PPP3CC: variants seen among roughly 807,000 people sequenced by gnomAD.
PPP3CC encodes protein phosphatase 3 catalytic subunit gamma, also known as serine/threonine-protein phosphatase 2B catalytic subunit gamma isoform.
In PPP3CC, 35 loss-of-function variants were observed where a neutral mutation model predicts 60.3. That is an observed-to-expected ratio of 0.58 (90% confidence interval 0.44 to 0.77). The LOEUF is 0.77. PPP3CC is among the 30% of genes least tolerant of loss of function. The pLI is 0.00. For missense variants in PPP3CC, 570 were observed against 628.9 expected, an observed-to-expected ratio of 0.91 and a Z score of 1.00; for synonymous variants, 206 against 224.3, an observed-to-expected ratio of 0.92 and a Z score of 0.73.
intron 11 of PPP3CC, among the ~76,000 whole-genome samples, chr8:22,532,565 A>G (rs187927021): frequency 2.1e-4 from 32 of 152,102 alleles, no homozygotes; most frequent in South Asian, 2.1e-4. Context: ...TTCTGGCTCT[A>G]CCTCTTCTTA....
chr8:22,493,372 A>G (rs1311883724), intron 3 of PPP3CC, among the ~76,000 whole-genome samples: 3 of 149,028 alleles, frequency 2.0e-5, no homozygotes, highest in Admixed American at 1.3e-4. Flanking sequence ...TTTGCCTAGT[A>G]TACCAAAAAA....
intron 4 of PPP3CC, among the ~76,000 whole-genome samples, chr8:22,504,700 TTCCCTCCCTCCCTCCC>T (rs35661790): frequency 2.0e-5 from 3 of 146,970 alleles, no homozygotes; most frequent in East Asian, 2.1e-4. Flanking sequence ...CCCTCCCTCC[TTCCCTCCCTCCCTCCC>T]TCCCTCCCTT....
chr8:22,508,586 G>C (rs1180720032), intron 4 of PPP3CC, among the ~76,000 whole-genome samples: 1 of 152,086 alleles, frequency 6.6e-6, no homozygotes, highest in Non-Finnish European at 1.5e-5. Context: ...AGTAGGCTAA[G>C]GAATTATTTT....
intron 13 of PPP3CC, among the ~76,000 whole-genome samples, chr8:22,540,230 T>A (rs879255738): frequency 2.0e-5 from 3 of 152,228 alleles, no homozygotes; most frequent in Non-Finnish European, 4.4e-5. Context: ...ACCCTGGGTT[T>A]AACTTGTTCA....
chr8:22,461,998 T>TCTAG (rs1320216545), intron 1 of PPP3CC, among the ~76,000 whole-genome samples: 1 of 151,974 alleles, frequency 6.6e-6, no homozygotes, highest in African/African-American at 2.4e-5. Flanking sequence ...GCATTGGGAG[T>TCTAG]CTAGGATGGG....
intron 1 of PPP3CC, among the ~76,000 whole-genome samples, chr8:22,450,666 T>C (rs1836985816): frequency 6.6e-6 from 1 of 152,196 alleles, no homozygotes; most frequent in African/African-American, 2.4e-5. Context: ...GTGCTCAAAA[T>C]CCTTCATGAG....
chr8:22,522,781 T>C (rs778070593), intron 8 of PPP3CC, 32 bp downstream of exon 8: 14 of 1,444,990 alleles, frequency 9.7e-6, no homozygotes, highest in Admixed American at 1.7e-5. Context: ...TGAGTTTGAA[T>C]TTATGAGTAA....
intron 6 of PPP3CC, among the ~76,000 whole-genome samples, chr8:22,516,157 C>A (rs1456673606): frequency 6.6e-6 from 1 of 152,046 alleles, no homozygotes; most frequent in Non-Finnish European, 1.5e-5. Flanking sequence ...CCAGGCTGGT[C>A]TTGAAGTCCT....
rs201721168 is a variant in PPP3CC at position 22,474,958 on chromosome 8, C to T, written c.54C>T (p.Val18=). The change falls in exon 2 of 14, where the codon GTC becomes GTT. Residue 18 remains valine, a synonymous_variant. Transcript: ENST00000240139. ...LSTTDRVIKA[V]PFPPTQRLTF... is the part of the protein sequence containing the mutation. ...ATTATTATTATTTTTTTGTAGCTGT[C>T]CCCTTTCCTCCAACCCAACGGCTTA... The T allele has an allele frequency of 2.1e-5, 32 of 1,554,580 alleles. No individual in the cohort carries two copies. The East Asian group carries it at 6.6e-4, about 32-fold the overall frequency.
chr8:22,498,211 C>T, intron 4 of PPP3CC, 99 bp downstream of exon 4: 1 of 641,684 alleles, frequency 1.6e-6, no homozygotes, highest in African/African-American at 1.9e-5. Context: ...AATTTAAATG[C>T]TTCCTGTCCT....
chr8:22,464,166 T>C (rs1348508374), intron 1 of PPP3CC, among the ~76,000 whole-genome samples: 5 of 152,184 alleles, frequency 3.3e-5, no homozygotes, highest in African/African-American at 1.2e-4. Context: ...TGAGGTTTTT[T>C]TTTCCCTTTA....
intron 1 of PPP3CC, among the ~76,000 whole-genome samples, chr8:22,471,280 C>CTTTT (rs557089522): frequency 3.9e-5 from 5 of 128,642 alleles, no homozygotes; most frequent in Non-Finnish European, 8.3e-5. Flanking sequence ...CTTGATCATT[C>CTTTT]TTTTTTTTTT....
intron 1 of PPP3CC, among the ~76,000 whole-genome samples, chr8:22,450,509 T>C (rs1421908469): frequency 6.6e-6 from 1 of 152,216 alleles, no homozygotes; most frequent in Non-Finnish European, 1.5e-5. Context: ...CCAGACTAAA[T>C]GCTGTGAACC....
At chr8:22,516,512 A>C (rs1020148241) in intron 6 of PPP3CC, among the ~76,000 whole-genome samples, 9 of 152,142 alleles carry the variant, frequency 5.9e-5, no homozygotes, top group Non-Finnish European at 1.0e-4. Flanking sequence ...ATATTTGTGA[A>C]TTCCCCCACT....
At chr8:22,531,731 G>C (rs1450612556) in intron 10 of PPP3CC, among the ~76,000 whole-genome samples, 2 of 152,230 alleles carry the variant, frequency 1.3e-5, no homozygotes, top group Non-Finnish European at 2.9e-5. Flanking sequence ...GAAGCTTATA[G>C]AATGAAAGCA....
chr8:22,445,266 T>C (rs935962028), intron 1 of PPP3CC, among the ~76,000 whole-genome samples: 3 of 152,316 alleles, frequency 2.0e-5, no homozygotes, highest in East Asian at 3.9e-4. Context: ...TCTACAAATA[T>C]ACCCTAAACC....
At chr8:22,487,935 A>T (rs1838273460) in intron 3 of PPP3CC, among the ~76,000 whole-genome samples, 1 of 152,240 alleles carries the variant, frequency 6.6e-6, no homozygotes, top group Non-Finnish European at 1.5e-5. Flanking sequence ...AGATCTCTTG[A>T]TAATCATGAC....
chr8:22,492,554 C>T (rs756658407), intron 3 of PPP3CC: 49 of 373,958 alleles, frequency 1.3e-4, no homozygotes, highest in Non-Finnish European at 1.8e-4. Flanking sequence ...GCTGGTGGTC[C>T]ACCCGAGACC....
chr8:22,505,402 T>C (rs1838884404), intron 4 of PPP3CC, among the ~76,000 whole-genome samples: 1 of 152,212 alleles, frequency 6.6e-6, no homozygotes, highest in Admixed American at 6.5e-5. Context: ...ATTTTACTAA[T>C]GAAAGCAGTA....
Sources: gnomAD v4.1 joint callset for allele counts (sites outside exome capture counted in the v4.1 genomes callset) on GRCh38, gnomAD v4.1.1 for gene constraint, MANE v1.5 for transcripts, NCBI Gene and HGNC (gene_info 2026-07-23, HGNC 2026-07-21) for gene names.